The following SLC12A7 variants were observed in gnomAD, a reference collection of about 807,000 sequenced individuals.
SLC12A7 encodes the protein solute carrier family 12 member 7, also known as K-Cl cotransporter 4.
In SLC12A7, 100 loss-of-function variants were observed where a neutral mutation model predicts 120.6. That is an observed-to-expected ratio of 0.83 (90% confidence interval 0.71 to 0.98). SLC12A7 has a LOEUF of 0.98. SLC12A7 is among the 50% of genes least tolerant of loss of function. SLC12A7 has a pLI of 0.00. For missense variants in SLC12A7, 1,373 were observed against 1,548.1 expected, an observed-to-expected ratio of 0.89 and a Z score of 1.90; for synonymous variants, 760 against 678.0, an observed-to-expected ratio of 1.12 and a Z score of -1.88.
chr5:1,050,424 GAC>G lies in SLC12A7; in HGVS notation c.*1934_*1935del, dbSNP rs1734923757. The G allele has an allele frequency of 6.3e-6, 1 of 159,060 alleles. No individual in the cohort carries two copies. Among genetic ancestry groups the G allele is most frequent in the Non-Finnish European group, 1.4e-5 (1 of 72,874 alleles). 9.9% of individuals were successfully genotyped at this position (159,060 alleles called of 1,614,324 possible). A position where few individuals can be genotyped will look rare whatever the true frequency, so the allele number is the denominator to read the frequency against. ...TTTTATTTTTCTACTAACACAGACA[GAC>G]AGGGAAACCTACAAAAGGAAACGGA... On this transcript the variant is annotated 3_prime_UTR_variant, in exon 24 of 24. Transcript: ENST00000264930.
the SLC12A7 span, among the ~76,000 whole-genome samples, chr5:1,141,039 T>C: frequency 6.6e-6 from 1 of 151,998 alleles, no homozygotes; most frequent in Non-Finnish European, 1.5e-5. Context: ...TGGAAATGAG[T>C]GCAGCCAGGC....
chr5:1,061,456 T>C (rs187678427), intron 20 of SLC12A7, among the ~76,000 whole-genome samples: 10,235 of 29,230 alleles, frequency 0.35, 572 homozygotes, highest in Non-Finnish European at 0.48. Flanking sequence ...CCGTGCGGGA[T>C]CCCTGAGTCT....
chr5:1,121,370 C>T, the SLC12A7 span, among the ~76,000 whole-genome samples: 6 of 152,306 alleles, frequency 3.9e-5, no homozygotes, highest in East Asian at 5.8e-4. Context: ...CTGAGGCCCA[C>T]GGGAAAGCTC....
intron 5 of SLC12A7, among the ~76,000 whole-genome samples, chr5:1,087,521 G>A (rs976810817): frequency 4.6e-5 from 7 of 152,396 alleles, no homozygotes; most frequent in Non-Finnish European, 7.3e-5. Flanking sequence ...TGAGCAGTGC[G>A]TGTGGCATGT....
At chr5:1,077,518 G>C (rs1256119863) in intron 12 of SLC12A7, among the ~76,000 whole-genome samples, 3 of 152,204 alleles carry the variant, frequency 2.0e-5, no homozygotes, top group Non-Finnish European at 4.4e-5. Context: ...AGATGTGGCA[G>C]GCAGGCAGAG....
At position 1,074,585 on chromosome 5, in the gene SLC12A7, G is replaced by T. The variant is rs1319156968; in HGVS notation, c.2054C>A (p.Pro685His). Residue 685 changes from proline to histidine, a missense_variant, in exon 16 of 24, where the codon CCC (proline) becomes CAC (histidine). Transcript: ENST00000264930. The part of the protein sequence containing the change: ...YALLRVEHGP[P>H]HTKNWRPQVL... ...TGCTCACCTCCAGTTCTTGGTGTGG[G>T]GGGGACCGTGCTCCACGCGCAGCAG... 2 of 1,612,474 alleles carry T rather than the reference G, an allele frequency of 1.2e-6. No individual in the cohort carries two copies. The highest frequency in any genetic ancestry group is 1.7e-6 in the Non-Finnish European group (2 of 1,179,756).
At chr5:1,112,643 C>T (rs1489091518), upstream of SLC12A7, among the ~76,000 whole-genome samples, 3 of 37,336 alleles carry the variant, frequency 8.0e-5, no homozygotes, top group African/African-American at 3.9e-4. Flanking sequence ...TCCTTCTTCC[C>T]CCTCCTGTTC....
upstream of SLC12A7, among the ~76,000 whole-genome samples, chr5:1,115,103 G>A (rs538962274): frequency 6.6e-5 from 10 of 152,330 alleles, no homozygotes; most frequent in East Asian, 9.7e-4. Context: ...TCCAAGCATC[G>A]GTGTCCAGCT....
In SLC12A7 at chr5:1,064,338, C is replaced by T. The variant is rs528322353; in HGVS notation, c.2438-86G>A. 8,746 of 1,464,714 alleles carry T rather than the reference C, an allele frequency of 6.0e-3. 44 individuals are homozygous for T. The highest frequency in any genetic ancestry group is 6.9e-3 in the Non-Finnish European group (7,647 of 1,103,380). The allele number at this position is 1,464,714 out of a possible 1,614,324, so 90.7% of individuals were successfully genotyped here. ...CGGGGACTCACAGCCAGTGCAGGGG[C>T]GGGCACGGCGAGGCGAGGGGGGTCC... is the stretch of plus-strand genomic sequence containing the variant. On this transcript the variant is annotated intron_variant, in intron 18 of 23. Transcript: ENST00000264930.
chr5:1,076,354 G>T, intron 13 of SLC12A7, 118 bp from the exon 14 acceptor site: 1 of 619,014 alleles, frequency 1.6e-6, no homozygotes, highest in Non-Finnish European at 2.5e-6. Flanking sequence ...GTCTCCCCAT[G>T]TCTGTCTCTG....
rs145342690 is a variant in SLC12A7 at position 1,098,147 on chromosome 5, C to A, written c.125-3899G>T. ...CCCTCTGCAAGCCCAGCCCCCACAA[C>A]CCTCTGCAAGCCCAGCCCCCCTCTA... On this transcript the variant is annotated intron_variant, in intron 1 of 23. Transcript: ENST00000264930. Among the ~76,000 whole-genome samples, 485 of 91,336 alleles carry A rather than the reference C, an allele frequency of 5.3e-3. 6 individuals carry two copies. Among genetic ancestry groups the A allele is most frequent in the African/African-American group, 0.023 (451 of 19,938 alleles). The allele number at this position is 91,336 out of a possible 152,430, so 59.9% of individuals were successfully genotyped here.
chr5:1,105,345 C>T (rs1231317837), intron 1 of SLC12A7, among the ~76,000 whole-genome samples: 1 of 149,028 alleles, frequency 6.7e-6, no homozygotes, highest in Non-Finnish European at 1.5e-5. Context: ...CAGTCACCCA[C>T]CAGCCAAAGG....
the SLC12A7 span, among the ~76,000 whole-genome samples, chr5:1,147,228 C>T: frequency 1.3e-4 from 19 of 150,114 alleles, no homozygotes; most frequent in African/African-American, 4.7e-4. Flanking sequence ...GAGGGACTCT[C>T]CTCATCACGG....
chr5:1,083,394 A>G (rs75852888), intron 8 of SLC12A7, among the ~76,000 whole-genome samples: 5,496 of 152,302 alleles, frequency 0.036, 163 homozygotes, highest in South Asian at 0.12. Flanking sequence ...GCCTCTCATC[A>G]GAGAAGGATA....
rs557151190 is a variant in SLC12A7, at chr5:1,080,214, G to A, written c.1298-718C>T. 6.6e-3 allele frequency among the ~76,000 whole-genome samples: 560 copies of A among 84,838 alleles called. 14 individuals carry two copies. The highest frequency in any genetic ancestry group is 0.027 in the African/African-American group (531 of 19,626). The allele number at this position is 84,838 out of a possible 152,430, so 55.7% of individuals were successfully genotyped here. On this transcript the variant is annotated intron_variant, in intron 9 of 23. Coordinates refer to ENST00000264930, the MANE Select transcript of SLC12A7 (RefSeq NM_006598.3). ...AGCCACGCAGAGGCTCTACCCCCACGCCCTCCACCCGCGGCGCGGAGACAC... is the reference window on the plus strand; with the variant it reads ...AGCCACGCAGAGGCTCTACCCCCACACCCTCCACCCGCGGCGCGGAGACAC...
At chr5:1,140,552 G>A in the SLC12A7 span, among the ~76,000 whole-genome samples, 5 of 152,334 alleles carry the variant, frequency 3.3e-5, no homozygotes, top group African/African-American at 9.6e-5. Flanking sequence ...GGAGGGAGGC[G>A]TCATTCTGTA....
At chr5:1,137,879 G>C in the SLC12A7 span, among the ~76,000 whole-genome samples, 2 of 152,234 alleles carry the variant, frequency 1.3e-5, no homozygotes, top group Non-Finnish European at 2.9e-5. Context: ...GAGAATCATG[G>C]ATGTCGGCGC....
In SLC12A7 at chr5:1,074,614, G is replaced by C; in HGVS notation, c.2025C>G (p.Tyr675Ter). The change falls in exon 16 of 24, where the codon TAC becomes TAG. Residue 675 changes from tyrosine (Y) to a stop codon, truncating the protein, a stop_gained. Transcript: ENST00000264930. LOFTEE classifies it high-confidence loss of function. Reference protein sequence around the residue: ...IRGLSLNAARYALLRVEHGPP... With the variant: ...IRGLSLNAAR ...GACCGTGCTCCACGCGCAGCAGGGCGTAGCGGGCGGCGTTCAGGGATAGGC... is the reference window on the plus strand; with the variant it reads ...GACCGTGCTCCACGCGCAGCAGGGCCTAGCGGGCGGCGTTCAGGGATAGGC... The C allele has an allele frequency of 6.2e-7, 1 of 1,612,844 alleles. No individual in the cohort carries two copies. The highest frequency in any genetic ancestry group is 1.1e-5 in the South Asian group (1 of 91,072).
the SLC12A7 span, among the ~76,000 whole-genome samples, chr5:1,140,996 C>T: frequency 2.8e-4 from 42 of 152,282 alleles, no homozygotes; most frequent in African/African-American, 9.1e-4. Flanking sequence ...AGGGTGGACA[C>T]GGGACGTTTA....
Sources: gnomAD v4.1 joint callset for allele counts (sites outside exome capture counted in the v4.1 genomes callset) on GRCh38, gnomAD v4.1.1 for gene constraint, MANE v1.5 for transcripts, NCBI Gene and HGNC (gene_info 2026-07-23, HGNC 2026-07-21) for gene names.